The following KCNIP4 variants were observed in gnomAD, a reference collection of about 807,000 sequenced individuals.
KCNIP4 encodes the protein potassium voltage-gated channel interacting protein 4, also known as Kv channel-interacting protein 4.
In KCNIP4, 12 loss-of-function variants were observed where a neutral mutation model predicts 34.0. The observed-to-expected ratio is 0.35, with a 90% CI of 0.23 to 0.57. The LOEUF is 0.57. Among genes scored for constraint, KCNIP4 ranks in the 20% least tolerant of loss-of-function variants. The pLI, the probability that KCNIP4 is intolerant of heterozygous loss-of-function variation, is 0.83. For synonymous variants in KCNIP4, 124 were observed against 102.2 expected (o/e 1.21, Z -1.29); for missense variants, 238 against 311.7 (o/e 0.76, Z 1.78).
At chr4:21,103,538 A>T (rs1748157745) in intron 1 of KCNIP4, among the ~76,000 whole-genome samples, 1 of 151,190 alleles carries the variant, frequency 6.6e-6, no homozygotes, top group Non-Finnish European at 1.5e-5. Flanking sequence ...TATACTTCCC[A>T]TAAAATTCAA....
chr4:21,397,067 G>T (rs1003057374), intron 1 of KCNIP4, among the ~76,000 whole-genome samples: 1 of 152,172 alleles, frequency 6.6e-6, no homozygotes, highest in Non-Finnish European at 1.5e-5. Context: ...CTTGGCAACT[G>T]GGGGTGTTCT....
chr4:21,856,092 C>G (rs1359996156), intron 1 of KCNIP4, among the ~76,000 whole-genome samples: 1 of 152,180 alleles, frequency 6.6e-6, no homozygotes, highest in Non-Finnish European at 1.5e-5. Context: ...GTTCCTGTTG[C>G]CATGGTCTGT....
Position 20,953,179 on chromosome 4 carries a change from C to T in KCNIP4, c.62-70470G>A, listed in dbSNP as rs961008286. ...TTGTCTGTTTGACTCAACTGTCTTT[C>T]CTTGCAGTCAAGTGTGAGTTACCTG... On this transcript the variant is annotated intron_variant, in intron 1 of 8. Coordinates refer to ENST00000382152, the MANE Select transcript of KCNIP4 (RefSeq NM_025221.6). 2.0e-4 allele frequency among the ~76,000 whole-genome samples: 31 copies of T among 152,208 alleles called. 1 individual carries two copies. The highest frequency in any genetic ancestry group is 3.8e-4 in the Non-Finnish European group (26 of 68,036).
chr4:21,846,027 C>A (rs1404952397), intron 1 of KCNIP4: 1 of 152,058 alleles, frequency 6.6e-6, no homozygotes, highest in East Asian at 1.9e-4. Context: ...GATCAGCTAA[C>A]TCAGTCTCTT....
chr4:21,832,358 G>A (rs1300398969), intron 1 of KCNIP4, among the ~76,000 whole-genome samples: 1 of 152,042 alleles, frequency 6.6e-6, no homozygotes, highest in Non-Finnish European at 1.5e-5. Context: ...TTTTTATAAG[G>A]GTGTGCTATT....
intron 1 of KCNIP4, among the ~76,000 whole-genome samples, chr4:21,346,084 GA>G (rs1560311080): frequency 9.8e-5 from 12 of 122,520 alleles, no homozygotes; most frequent in African/African-American, 3.7e-4. Context: ...ATATATTTAA[GA>G]TATTTAAGAT....
intron 1 of KCNIP4, among the ~76,000 whole-genome samples, chr4:21,862,584 C>T (rs975447110): frequency 6.6e-6 from 1 of 152,134 alleles, no homozygotes; most frequent in African/African-American, 2.4e-5. Flanking sequence ...GAGAAAGTGA[C>T]ATTTAAGTAA....
intron 1 of KCNIP4, among the ~76,000 whole-genome samples, chr4:21,482,080 CT>C (rs1731479086): frequency 1.3e-5 from 2 of 151,958 alleles, no homozygotes; most frequent in Middle Eastern, 6.8e-3. Flanking sequence ...TTCTTTGTCT[CT>C]TTTGATCTTT....
chr4:20,867,773 C>T (rs1253916052), intron 2 of KCNIP4, among the ~76,000 whole-genome samples: 2 of 151,992 alleles, frequency 1.3e-5, no homozygotes, highest in Non-Finnish European at 1.5e-5. Flanking sequence ...AGCAAACTAT[C>T]GCAAGGACAA....
chr4:21,809,416 A>G (rs1380779291), intron 1 of KCNIP4, among the ~76,000 whole-genome samples: 1 of 152,200 alleles, frequency 6.6e-6, no homozygotes, highest in Non-Finnish European at 1.5e-5. Flanking sequence ...CAGGTTCTCC[A>G]GCTTGCAGAT....
intron 1 of KCNIP4, among the ~76,000 whole-genome samples, chr4:21,571,772 A>T (rs1740385096): frequency 6.6e-6 from 1 of 152,178 alleles, no homozygotes; most frequent in Non-Finnish European, 1.5e-5. Flanking sequence ...AACTCTGATA[A>T]ATGTTTAAGA....
chr4:21,097,473 G>T (rs1392156159), intron 1 of KCNIP4, among the ~76,000 whole-genome samples: 3 of 152,050 alleles, frequency 2.0e-5, no homozygotes, highest in Non-Finnish European at 4.4e-5. Flanking sequence ...GAGTCAATGG[G>T]AGTCATTCTG....
intron 1 of KCNIP4, among the ~76,000 whole-genome samples, chr4:21,137,871 C>CTTT (rs144440285): frequency 0.037 from 4,291 of 117,202 alleles, 297 homozygotes; most frequent in East Asian, 0.092. Flanking sequence ...CTTACACAGG[C>CTTT]TTTTTTGTTT....
At chr4:20,894,410 T>C (rs1170944484) in intron 1 of KCNIP4, among the ~76,000 whole-genome samples, 2 of 152,192 alleles carry the variant, frequency 1.3e-5, no homozygotes, top group African/African-American at 4.8e-5. Context: ...GTAACTAGTA[T>C]ATATTCTTAG....
rs374810529 is a variant in KCNIP4, at chr4:20,908,137, TG to T, written c.62-25429del. ...TTTTTTGAGACAGAGTCTCGCTCTG[TG>T]GCCCAGGCTAGAGTGCAATGGCGCC... On this transcript the variant is annotated intron_variant, in intron 1 of 8. Coordinates refer to ENST00000382152, the MANE Select transcript of KCNIP4 (RefSeq NM_025221.6). Among the ~76,000 whole-genome samples, 14 of 147,760 alleles carry T rather than the reference TG, an allele frequency of 9.5e-5. No homozygotes were observed. In the East Asian group the frequency reaches 2.5e-3, roughly 26 times the overall value.
chr4:21,204,254 T>C (rs1756692813), intron 1 of KCNIP4, among the ~76,000 whole-genome samples: 2 of 152,186 alleles, frequency 1.3e-5, no homozygotes, highest in Middle Eastern at 3.2e-3. Context: ...TTGAATCTGA[T>C]GACCTGGGTT....
chr4:21,051,616 G>A (rs1157434143), intron 1 of KCNIP4, among the ~76,000 whole-genome samples: 1 of 152,000 alleles, frequency 6.6e-6, no homozygotes, highest in Non-Finnish European at 1.5e-5. Flanking sequence ...CAAAATGGCA[G>A]TAAGGAAAAA....
At chr4:21,786,579 T>A (rs1719929103) in intron 1 of KCNIP4, among the ~76,000 whole-genome samples, 1 of 151,484 alleles carries the variant, frequency 6.6e-6, no homozygotes, top group Non-Finnish European at 1.5e-5. Flanking sequence ...ACTCTTTTTT[T>A]TTTTTTGAGA....
At chr4:21,564,169 G>C (rs1176925961) in intron 1 of KCNIP4, among the ~76,000 whole-genome samples, 3 of 152,092 alleles carry the variant, frequency 2.0e-5, no homozygotes, top group Non-Finnish European at 4.4e-5. Flanking sequence ...AAAATAGATT[G>C]TGGTTCTTTT....
Sources: gnomAD v4.1 joint callset for allele counts (sites outside exome capture counted in the v4.1 genomes callset) on GRCh38, gnomAD v4.1.1 for gene constraint, MANE v1.5 for transcripts, NCBI Gene and HGNC (gene_info 2026-07-23, HGNC 2026-07-21) for gene names.